COL6A6: variants seen among roughly 807,000 people sequenced by gnomAD.
The protein encoded by COL6A6 is collagen type VI alpha 6 chain.
A neutral mutation model predicts 208.6 loss-of-function variants in COL6A6; 183 were observed. The ratio of observed to expected loss-of-function variants is 0.88; its 90% confidence interval spans 0.78 to 0.99. The LOEUF is 0.99. Among genes scored for constraint, COL6A6 ranks in the 50% least tolerant of loss-of-function variants. The pLI is 0.00. For missense variants in COL6A6, 2,816 were observed against 2,815.2 expected, an observed-to-expected ratio of 1.00 and a Z score of -0.01; for synonymous variants, 973 against 1,011.8, an observed-to-expected ratio of 0.96 and a Z score of 0.73.
At chr3:130,643,823 T>C (rs2065388073) in intron 31 of COL6A6, among the ~76,000 whole-genome samples, 1 of 152,236 alleles carries the variant, frequency 6.6e-6, no homozygotes, top group Non-Finnish European at 1.5e-5. Flanking sequence ...CCTATTTCAG[T>C]AGAGAACATT....
At chr3:130,641,830 C>G (rs565215779) in intron 29 of COL6A6, 116 bp downstream of exon 29, 1 of 517,968 alleles carries the variant, frequency 1.9e-6, no homozygotes, top group South Asian at 4.2e-5. Flanking sequence ...TTCTTGGCCA[C>G]TTTTTTCCCA....
intron 33 of COL6A6, among the ~76,000 whole-genome samples, chr3:130,653,962 A>G (rs1382294348): frequency 6.6e-6 from 1 of 152,230 alleles, no homozygotes; most frequent in Non-Finnish European, 1.5e-5. Context: ...ATGTGAGCCT[A>G]AATTATCAGC....
rs1390280369 is a variant in COL6A6 at position 130,517,298 on chromosome 3, C to A, written c.-131C>A. The stretch of plus-strand genomic sequence containing the variant: ...GCCGCAGGCGGCACCAAACTCTGCG[C>A]TCCCCGCGGTGCGCCCTGCCCGCGC... On this transcript the variant is annotated 5_prime_UTR_variant, in exon 1 of 37. Transcript: ENST00000358511. Among the ~76,000 whole-genome samples the A allele has an allele frequency of 6.6e-6, 1 of 152,216 alleles. No individual in the cohort carries two copies. The highest frequency in any genetic ancestry group is 1.9e-4 in the East Asian group (1 of 5,178).
At chr3:130,545,487 CTT>C (rs2062471149) in intron 1 of COL6A6, among the ~76,000 whole-genome samples, 1 of 135,220 alleles carries the variant, frequency 7.4e-6, no homozygotes, top group East Asian at 2.1e-4. Context: ...GGATTTCTCT[CTT>C]GTCGCCCAGG....
intron 1 of COL6A6, among the ~76,000 whole-genome samples, chr3:130,551,034 C>T (rs746688823): frequency 1.3e-5 from 2 of 152,084 alleles, no homozygotes; most frequent in Non-Finnish European, 2.9e-5. Context: ...GGTGGATTAG[C>T]TTTTTCATGT....
intron 17 of COL6A6, 40 bp from the exon 18 acceptor site, chr3:130,594,241 C>T: frequency 2.8e-6 from 4 of 1,430,450 alleles, no homozygotes; most frequent in Non-Finnish European, 3.9e-6. Context: ...TTTATTAAAA[C>T]TTCTTGTCTT....
intron 23 of COL6A6, among the ~76,000 whole-genome samples, chr3:130,611,846 C>T (rs890733732): frequency 5.3e-5 from 8 of 152,140 alleles, no homozygotes; most frequent in African/African-American, 1.9e-4. Flanking sequence ...AGGCAAACTG[C>T]ATGTCATGGG....
intron 22 of COL6A6, among the ~76,000 whole-genome samples, chr3:130,609,689 A>G (rs1188567973): frequency 6.6e-6 from 1 of 152,182 alleles, no homozygotes; most frequent in Non-Finnish European, 1.5e-5. Context: ...CTTGAGGAAT[A>G]AGTGTTCTAT....
At chr3:130,560,156 TA>T (rs1310312991) in intron 1 of COL6A6, among the ~76,000 whole-genome samples, 177 bp from the exon 2 acceptor site, 5 of 152,236 alleles carry the variant, frequency 3.3e-5, no homozygotes, top group African/African-American at 4.8e-5. Flanking sequence ...TACGACTTTG[TA>T]AATATTGATG....
Position 130,610,693 on chromosome 3 carries a change from G to A in COL6A6, c.4797G>A (p.Val1599=). Reference sequence around the variant, plus strand: ...GTGTGAAAGGAGAAAAAGGAGGTGTGGGAAGTAAAGGTCCCCAGGTATGTA... The same window carrying A: ...GTGTGAAAGGAGAAAAAGGAGGTGTAGGAAGTAAAGGTCCCCAGGTATGTA... ...EAGVKGEKGG[V]GSKGPQGPPG... The change falls in exon 23 of 37, where the codon GTG becomes GTA. Residue 1599 remains valine (V), a synonymous_variant. Transcript: ENST00000358511. 1 of 1,589,406 alleles carries A rather than the reference G, an allele frequency of 6.3e-7. No homozygotes were observed. The highest frequency in any genetic ancestry group is 8.6e-7 in the Non-Finnish European group (1 of 1,167,030).
intron 33 of COL6A6, among the ~76,000 whole-genome samples, chr3:130,653,636 CA>C (rs2065706852): frequency 6.6e-6 from 1 of 152,124 alleles, no homozygotes; most frequent in Admixed American, 6.5e-5. Context: ...GGAGAGTGAG[CA>C]ATAAGAAACA....
chr3:130,548,619 CT>C (rs1259672897), intron 1 of COL6A6, among the ~76,000 whole-genome samples: 10 of 152,324 alleles, frequency 6.6e-5, no homozygotes, highest in African/African-American at 2.4e-4. Context: ...TAATTGTCTC[CT>C]TCTGCCAGAA....
At chr3:130,616,694 G>A (rs937892459) in intron 23 of COL6A6, among the ~76,000 whole-genome samples, 4 of 152,116 alleles carry the variant, frequency 2.6e-5, no homozygotes, top group Non-Finnish European at 5.9e-5. Flanking sequence ...GTTCGGAGAT[G>A]TTCAATGCAG....
At chr3:130,554,591 C>A (rs893802515) in intron 1 of COL6A6, among the ~76,000 whole-genome samples, 11 of 152,114 alleles carry the variant, frequency 7.2e-5, no homozygotes, top group Admixed American at 4.6e-4. Context: ...GCAGGGGAGC[C>A]ACTGGTCTCC....
intron 35 of COL6A6, among the ~76,000 whole-genome samples, chr3:130,664,500 AAG>A (rs1408929352): frequency 6.6e-6 from 1 of 152,240 alleles, no homozygotes; most frequent in Non-Finnish European, 1.5e-5. Context: ...ATGGTATAAA[AAG>A]AGGCATGCTT....
chr3:130,637,428 T>A (rs1279353841), intron 28 of COL6A6, among the ~76,000 whole-genome samples: 2 of 151,958 alleles, frequency 1.3e-5, no homozygotes, highest in African/African-American at 4.8e-5. Flanking sequence ...ATGGGAAACA[T>A]AAACTTTTTC....
chr3:130,634,646 A>G, intron 27 of COL6A6, 21 bp downstream of exon 27: 2 of 1,589,502 alleles, frequency 1.3e-6, no homozygotes, highest in Non-Finnish European at 8.6e-7. Flanking sequence ...CTTCCTAGTA[A>G]CTAGAGATCA....
chr3:130,619,263 A>C (rs1365646069), intron 23 of COL6A6, among the ~76,000 whole-genome samples: 4 of 152,198 alleles, frequency 2.6e-5, no homozygotes, highest in Non-Finnish European at 5.9e-5. Flanking sequence ...ACAGCTAGGA[A>C]GTTTGAGTAT....
intron 1 of COL6A6, among the ~76,000 whole-genome samples, chr3:130,558,651 C>T (rs1224564464): frequency 6.6e-6 from 1 of 152,150 alleles, no homozygotes; most frequent in Admixed American, 6.5e-5. Context: ...AAACTTTTGA[C>T]ATTGGCCCTA....
Sources: gnomAD v4.1 joint callset for allele counts (sites outside exome capture counted in the v4.1 genomes callset) on GRCh38, gnomAD v4.1.1 for gene constraint, MANE v1.5 for transcripts, NCBI Gene and HGNC (gene_info 2026-07-23, HGNC 2026-07-21) for gene names.